Variants in RALGPS1 observed in about 807,000 individuals in gnomAD.
RALGPS1 encodes ras-specific guanine nucleotide-releasing factor RalGPS1.
A neutral mutation model predicts 78.8 loss-of-function variants in RALGPS1; 19 were observed. That is an observed-to-expected ratio of 0.24 (90% CI 0.17 to 0.35). RALGPS1 has a LOEUF of 0.35. Among genes scored for constraint, RALGPS1 ranks in the 10% least tolerant of loss-of-function variants. The pLI, the probability that RALGPS1 is intolerant of heterozygous loss-of-function variation, is 1.00. For synonymous variants in RALGPS1, 228 were observed against 256.3 expected (o/e 0.89, Z 1.06); for missense variants, 454 against 688.3 (o/e 0.66, Z 3.81).
At chr9:127,030,478 C>T (rs150117033) in intron 4 of RALGPS1, among the ~76,000 whole-genome samples, 148 of 151,898 alleles carry the variant, frequency 9.7e-4, no homozygotes, top group African/African-American at 3.4e-3. Context: ...GGTGAAGGGG[C>T]GCTAATTTCC....
intron 1 of RALGPS1, among the ~76,000 whole-genome samples, chr9:126,940,092 A>G (rs544017137): frequency 1.3e-5 from 2 of 151,762 alleles, no homozygotes; most frequent in Non-Finnish European, 2.9e-5. Flanking sequence ...TCTCCCAGGC[A>G]CTCCCATTGA....
chr9:127,114,580 C>T (rs1457276067), intron 8 of RALGPS1, among the ~76,000 whole-genome samples: 2 of 152,230 alleles, frequency 1.3e-5, no homozygotes, highest in African/African-American at 2.4e-5. Flanking sequence ...GTTGATTCAT[C>T]ATCAGTCCAG....
At chr9:126,998,605 T>C (rs1315645654) in intron 4 of RALGPS1, among the ~76,000 whole-genome samples, 1 of 152,224 alleles carries the variant, frequency 6.6e-6, no homozygotes, top group Non-Finnish European at 1.5e-5. Flanking sequence ...TGGAAGTCAG[T>C]GTGGCAATTC....
At chr9:126,936,486 A>G (rs1588515795) in intron 1 of RALGPS1, among the ~76,000 whole-genome samples, 1 of 152,198 alleles carries the variant, frequency 6.6e-6, no homozygotes, top group East Asian at 1.9e-4. Flanking sequence ...AATGGGAATA[A>G]TGAAAATGTG....
Position 127,212,812 on chromosome 9 carries a change from T to G in RALGPS1, c.1446+93T>G. ...GGAGGATGGGGGTGGGAAAGGGATCTGTGTGAACTGCGGAGGATGCAGGTG... is the reference window on the plus strand; with the variant it reads ...GGAGGATGGGGGTGGGAAAGGGATCGGTGTGAACTGCGGAGGATGCAGGTG... On this transcript the variant is annotated intron_variant, in intron 16 of 18. Transcript: ENST00000259351. The surrounding 1 kb of genome is among the most constrained non-coding windows in gnomAD (Gnocchi z 6.0). 1.3e-6 allele frequency: 2 copies of G among 1,533,020 alleles called. No individual in the cohort carries two copies. Among genetic ancestry groups the G allele is most frequent in the Non-Finnish European group, 1.8e-6 (2 of 1,120,216 alleles). The allele number at this position is 1,533,020 out of a possible 1,614,324, so 95.0% of individuals were successfully genotyped here.
At chr9:127,038,663 G>A (rs1282733683) in intron 5 of RALGPS1, among the ~76,000 whole-genome samples, 6 of 152,090 alleles carry the variant, frequency 3.9e-5, no homozygotes, top group South Asian at 4.2e-4. Flanking sequence ...ACAAATTGTC[G>A]CCTTTGCCAT....
Position 127,183,666 on chromosome 9 carries a change from A to G in RALGPS1, c.910+8884A>G, listed in dbSNP as rs3780326. Among the ~76,000 whole-genome samples the G allele has an allele frequency of 0.66, 99,509 of 151,778 alleles. 33,786 individuals carry two copies. Among genetic ancestry groups the G allele is most frequent in the East Asian group, 0.77 (3,960 of 5,118 alleles). On this transcript the variant is annotated intron_variant, in intron 11 of 18. Transcript: ENST00000259351. The surrounding 1 kb of genome is among the most constrained non-coding windows in gnomAD (Gnocchi z 4.0). ...GGGTCTGTGGAGACTCCGCCTGACTATGTGTGAGTAGAAAAAGAGAACAGC... is the reference window on the plus strand; with the variant it reads ...GGGTCTGTGGAGACTCCGCCTGACTGTGTGTGAGTAGAAAAAGAGAACAGC...
rs1179183389 is a variant in RALGPS1 at position 127,222,819 on chromosome 9, T to G, written c.*4050T>G. ...ATAGAGAGTAGTTTTCAATTTCTTA[T>G]GTACTCTTCGAAGTAAGTTGAAAAT... On this transcript the variant is annotated 3_prime_UTR_variant, in exon 19 of 19. Transcript: ENST00000259351. 2.0e-5 allele frequency: 3 copies of G among 152,808 alleles called. No homozygotes were observed. The South Asian group carries it at 6.2e-4, about 32-fold the overall frequency. 9.5% of individuals were successfully genotyped at this position (152,808 alleles called of 1,614,324 possible).
At position 127,212,584 on chromosome 9, in the gene RALGPS1, C is replaced by G; in HGVS notation, c.1354-43C>G. On this transcript the variant is annotated intron_variant, in intron 15 of 18. Coordinates refer to ENST00000259351, the MANE Select transcript of RALGPS1 (RefSeq NM_014636.3). This position sits in a 1 kb window ranked among gnomAD's most constrained non-coding sequence, Gnocchi z 6.0. ...TAATCGGCCAGGGATCCTCTACCCC[C>G]ACGACCCCTGGTGGCATCACTCAGC... 2 of 1,424,538 alleles carry G rather than the reference C, an allele frequency of 1.4e-6. No individual in the cohort carries two copies. Among genetic ancestry groups the G allele is most frequent in the Non-Finnish European group, 2.0e-6 (2 of 1,020,390 alleles). 88.2% of individuals were successfully genotyped at this position (1,424,538 alleles called of 1,614,324 possible). A position where few individuals can be genotyped will look rare whatever the true frequency, so the allele number is the denominator to read the frequency against.
At chr9:126,927,587 T>C (rs1288902227) in intron 1 of RALGPS1, among the ~76,000 whole-genome samples, 1 of 152,214 alleles carries the variant, frequency 6.6e-6, no homozygotes, top group Admixed American at 6.5e-5. Flanking sequence ...CAGTTACCTT[T>C]GTTGTCGTGT....
intron 11 of RALGPS1, among the ~76,000 whole-genome samples, chr9:127,184,879 A>G (rs1462961372): frequency 6.6e-6 from 1 of 152,234 alleles, no homozygotes; most frequent in African/African-American, 2.4e-5. Flanking sequence ...ATACTTGGAA[A>G]GTGCCCCTGT....
intron 5 of RALGPS1, among the ~76,000 whole-genome samples, chr9:127,036,618 C>T (rs2046885184): frequency 6.6e-6 from 1 of 152,144 alleles, no homozygotes; most frequent in Non-Finnish European, 1.5e-5. Context: ...TGTGGCCAAA[C>T]AGAAACCCAG....
At chr9:127,151,071 C>G (rs568706627) in intron 8 of RALGPS1, among the ~76,000 whole-genome samples, 2 of 152,130 alleles carry the variant, frequency 1.3e-5, no homozygotes, top group African/African-American at 4.8e-5. Context: ...GTAGTCCCAG[C>G]TACTCGGGAA....
chr9:127,023,434 C>T (rs139650561), intron 4 of RALGPS1, among the ~76,000 whole-genome samples: 2 of 152,268 alleles, frequency 1.3e-5, no homozygotes, highest in African/African-American at 4.8e-5. Context: ...CTCCTCCTCC[C>T]TTCTTTTCTT....
At chr9:127,011,434 T>A (rs763528476) in intron 4 of RALGPS1, among the ~76,000 whole-genome samples, 3 of 152,112 alleles carry the variant, frequency 2.0e-5, no homozygotes, top group Non-Finnish European at 2.9e-5. Context: ...CGCCTTGGAC[T>A]CCCGTAGTGC....
At chr9:127,065,397 C>T (rs577839624) in intron 7 of RALGPS1, among the ~76,000 whole-genome samples, 1 of 152,078 alleles carries the variant, frequency 6.6e-6, no homozygotes, top group Non-Finnish European at 1.5e-5. Context: ...CAGGCGTGAG[C>T]CACTGTGCCC....
intron 8 of RALGPS1, chr9:127,088,843 G>A (rs1385407802): frequency 1.4e-6 from 2 of 1,418,892 alleles, no homozygotes; most frequent in African/African-American, 1.4e-5. Context: ...CCCAGCCTCA[G>A]GATGAACTGG....
In RALGPS1 at chr9:127,214,822, T is replaced by A. The variant is rs1362259969; in HGVS notation, c.1624T>A (p.Cys542Ser). The A allele has an allele frequency of 8.7e-6, 14 of 1,613,004 alleles. No individual in the cohort carries two copies. The South Asian group carries it at 1.4e-4, about 16-fold the overall frequency. ...ILWHKHLDDA[C>S]KSNRPQVPAN... ...GTGGCACAAGCATTTGGATGATGCA[T>A]GTAAAAGCAACAGGCCTCAGGTAAA... The change falls in exon 18 of 19, where the codon TGT becomes AGT. Residue 542 changes from cysteine (C) to serine (S), a missense_variant. Cys to Ser is a moderately radical substitution (Grantham distance 112). Transcript: ENST00000259351.
intron 1 of RALGPS1, among the ~76,000 whole-genome samples, chr9:126,951,824 A>G (rs1284531533): frequency 2.0e-5 from 3 of 152,210 alleles, no homozygotes; most frequent in East Asian, 1.9e-4. Flanking sequence ...GGCCAGGGCA[A>G]TTAGGCAGGA....
Sources: allele counts gnomAD v4.1 joint callset (sites outside exome capture counted in the v4.1 genomes callset), GRCh38; gene constraint gnomAD v4.1.1; non-coding constraint Gnocchi (gnomAD v3.1); transcripts MANE v1.5; gene names NCBI Gene and HGNC (gene_info 2026-07-23, HGNC 2026-07-21).